The following MCTP1 variants were observed in gnomAD, a reference collection of about 807,000 sequenced individuals.
The protein encoded by MCTP1 is multiple C2 and transmembrane domain containing 1, also known as multiple C2 and transmembrane domain-containing protein 1.
Under a neutral mutation model 120.6 loss-of-function variants are expected in MCTP1, and 69 were observed. That is an observed-to-expected ratio of 0.57 (90% CI 0.47 to 0.70). The LOEUF (loss-of-function observed/expected upper bound fraction) is 0.70, where lower values mean the gene tolerates loss of function less well. Ranked by LOEUF, MCTP1 falls within the 30% of genes least tolerant of loss-of-function variation. MCTP1 has a pLI of 0.00. For missense variants in MCTP1, 1,203 were observed against 1,248.8 expected (o/e 0.96, Z 0.55); for synonymous variants, 529 against 493.1 (o/e 1.07, Z -0.96).
At chr5:94,892,450 T>C (rs561763178) in intron 11 of MCTP1, among the ~76,000 whole-genome samples, 1 of 152,280 alleles carries the variant, frequency 6.6e-6, no homozygotes, top group South Asian at 2.1e-4. Flanking sequence ...ATACAATTGC[T>C]CTTGGTCTAC....
At chr5:94,760,841 T>A (rs1771167429) in intron 19 of MCTP1, among the ~76,000 whole-genome samples, 1 of 151,908 alleles carries the variant, frequency 6.6e-6, no homozygotes, top group Non-Finnish European at 1.5e-5. Flanking sequence ...TGTGCCACCA[T>A]GCCAGGCTAA....
intron 1 of MCTP1, among the ~76,000 whole-genome samples, chr5:95,123,651 CTT>C (rs67736041): frequency 0.026 from 3,772 of 145,398 alleles, 160 homozygotes; most frequent in African/African-American, 0.087. Context: ...ACAAGCTCTG[CTT>C]TTTTTTTTTT....
At chr5:94,885,593 A>ACCCAC (rs1429260972) in intron 12 of MCTP1, among the ~76,000 whole-genome samples, 2 of 95,870 alleles carry the variant, frequency 2.1e-5, no homozygotes, top group South Asian at 3.3e-4. Flanking sequence ...TTTTCCCGCC[A>ACCCAC]CCCACCCCAC....
At chr5:94,840,008 T>C (rs922870107) in intron 17 of MCTP1, among the ~76,000 whole-genome samples, 5 of 152,168 alleles carry the variant, frequency 3.3e-5, no homozygotes, top group Admixed American at 6.5e-5. Flanking sequence ...TAATTAGTGA[T>C]CTAGAGCAAT....
intron 12 of MCTP1, among the ~76,000 whole-genome samples, chr5:94,883,309 A>G (rs1367724177): frequency 6.6e-6 from 1 of 152,186 alleles, no homozygotes; most frequent in African/African-American, 2.4e-5. Context: ...TTCTCATGGT[A>G]CACTATCTGC....
At chr5:95,132,844 A>C (rs1343768935) in intron 1 of MCTP1, among the ~76,000 whole-genome samples, 1 of 152,140 alleles carries the variant, frequency 6.6e-6, no homozygotes, top group African/African-American at 2.4e-5. Flanking sequence ...TTGTCTCTTT[A>C]CTAACCTATG....
intron 1 of MCTP1, among the ~76,000 whole-genome samples, chr5:95,279,763 T>G (rs1437637845): frequency 2.0e-5 from 3 of 152,228 alleles, no homozygotes; most frequent in African/African-American, 7.2e-5. Context: ...CTTTACTCCC[T>G]TTCTTTGGAA....
At chr5:95,144,474 T>TA (rs1383562553) in intron 1 of MCTP1, among the ~76,000 whole-genome samples, 1 of 152,136 alleles carries the variant, frequency 6.6e-6, no homozygotes, top group African/African-American at 2.4e-5. Context: ...CCATCAATTA[T>TA]TTTCCAAAGC....
At chr5:94,760,083 G>A in intron 19 of MCTP1, among the ~76,000 whole-genome samples, 1 of 150,718 alleles carries the variant, frequency 6.6e-6, no homozygotes, top group Non-Finnish European at 1.5e-5. Context: ...AGTTGTAGAA[G>A]TTTATTTTTC....
chr5:95,099,448 A>T (rs931408251), intron 1 of MCTP1, among the ~76,000 whole-genome samples: 10 of 152,098 alleles, frequency 6.6e-5, no homozygotes, highest in East Asian at 1.9e-4. Context: ...CAACCCCATC[A>T]AAAAGTGGGC....
intron 1 of MCTP1, among the ~76,000 whole-genome samples, chr5:95,050,688 C>T (rs1745663693): frequency 6.6e-6 from 1 of 152,208 alleles, no homozygotes; most frequent in Non-Finnish European, 1.5e-5. Flanking sequence ...AATATTTGAC[C>T]TTCTGGCCTA....
chr5:94,714,761 G>C lies in MCTP1; in HGVS notation c.2720+16C>G, dbSNP rs1310518078. The C allele has an allele frequency of 1.4e-6, 2 of 1,427,296 alleles. No individual in the cohort carries two copies. Among genetic ancestry groups the C allele is most frequent in the Admixed American group, 3.3e-5 (2 of 59,752 alleles). The allele number at this position is 1,427,296 out of a possible 1,614,324, so 88.4% of individuals were successfully genotyped here. On this transcript the variant is annotated intron_variant, in intron 20 of 22. Transcript: ENST00000515393. ...ATCCCACAGAAGAATGGGGCTCACA[G>C]GTCACCGTCACTCACTTCTTTATCC...
chr5:94,977,847 TA>T (rs1291067832), intron 2 of MCTP1, among the ~76,000 whole-genome samples: 2 of 152,076 alleles, frequency 1.3e-5, no homozygotes, highest in Admixed American at 6.6e-5. Flanking sequence ...CATGAAACTA[TA>T]AAACAGGGAA....
intron 19 of MCTP1, among the ~76,000 whole-genome samples, chr5:94,754,437 C>T (rs1326504340): frequency 1.3e-5 from 2 of 152,168 alleles, no homozygotes; most frequent in Non-Finnish European, 2.9e-5. Flanking sequence ...TCAATAACCA[C>T]GTTATTTTTA....
intron 1 of MCTP1, among the ~76,000 whole-genome samples, chr5:95,260,977 T>G (rs912180190): frequency 1.3e-5 from 2 of 152,224 alleles, no homozygotes; most frequent in Non-Finnish European, 2.9e-5. Flanking sequence ...GGAAGTTCAT[T>G]CTACCTTTTT....
chr5:94,953,804 C>CATATATATATACAAATATATATATACAT (rs1821276060), intron 2 of MCTP1, among the ~76,000 whole-genome samples: 3 of 114,140 alleles, frequency 2.6e-5, no homozygotes, highest in African/African-American at 7.1e-5. Flanking sequence ...CATATATATA[C>CATATATATATACAAATATATATATACAT]ATATATATAT....
At chr5:95,167,887 C>T (rs1191652713) in intron 1 of MCTP1, among the ~76,000 whole-genome samples, 1 of 152,160 alleles carries the variant, frequency 6.6e-6, no homozygotes, top group Non-Finnish European at 1.5e-5. Flanking sequence ...CTTGCAGAAG[C>T]TCTTTAGTTT....
At chr5:94,790,990 G>C (rs1240076433) in intron 18 of MCTP1, among the ~76,000 whole-genome samples, 1 of 151,634 alleles carries the variant, frequency 6.6e-6, no homozygotes, top group African/African-American at 2.4e-5. Flanking sequence ...TATTTCAAGC[G>C]GGCCAGGCGC....
Position 94,707,235 on chromosome 5 carries a change from G to GTTCT in MCTP1, c.*257_*260dup, listed in dbSNP as rs149356839. On this transcript the variant is annotated 3_prime_UTR_variant, in exon 23 of 23. Transcript: ENST00000515393. ...TTCCAGTGTTATCATTCTTATATTT[G>GTTCT]TTCTTTCAGTGTGTTATATTATTAT... 1.7e-3 allele frequency: 587 copies of GTTCT among 337,008 alleles called. 4 individuals carry two copies. Among genetic ancestry groups the GTTCT allele is most frequent in the African/African-American group, 0.012 (550 of 46,574 alleles). 20.9% of individuals were successfully genotyped at this position (337,008 alleles called of 1,614,324 possible). A position where few individuals can be genotyped will look rare whatever the true frequency, so the allele number is the denominator to read the frequency against.
Sources: allele counts gnomAD v4.1 joint callset (sites outside exome capture counted in the v4.1 genomes callset), GRCh38; gene constraint gnomAD v4.1.1; transcripts MANE v1.5; gene names NCBI Gene and HGNC (gene_info 2026-07-23, HGNC 2026-07-21).